ST6GALNAC6: variants seen among roughly 807,000 people sequenced by gnomAD.
The protein encoded by ST6GALNAC6 is alpha-N-acetylgalactosaminide alpha-2,6-sialyltransferase 6.
In ST6GALNAC6, 19 loss-of-function variants were observed where a neutral mutation model predicts 34.3. The observed-to-expected ratio is 0.55, with a 90% CI of 0.39 to 0.81. ST6GALNAC6 has a LOEUF of 0.81. Among genes scored for constraint, ST6GALNAC6 ranks in the 40% least tolerant of loss-of-function variants. ST6GALNAC6 has a pLI of 0.00. For synonymous variants in ST6GALNAC6, 185 were observed against 182.1 expected (o/e 1.02, Z -0.13); for missense variants, 377 against 467.7 (o/e 0.81, Z 1.79).
chr9:127,901,901 C>T (rs1830773662), upstream of ST6GALNAC6, among the ~76,000 whole-genome samples: 1 of 152,072 alleles, frequency 6.6e-6, no homozygotes, highest in South Asian at 2.1e-4. Context: ...CGCTGCACTC[C>T]AGCCTGGTGA....
intron 3 of ST6GALNAC6, 77 bp from the exon 4 acceptor site, chr9:127,894,768 C>G: frequency 6.5e-7 from 1 of 1,535,128 alleles, no homozygotes; most frequent in East Asian, 2.3e-5. Context: ...ACCTACCATG[C>G]CTGGTTAACT....
At chr9:127,889,442 T>G (rs1280649783) in intron 5 of ST6GALNAC6, among the ~76,000 whole-genome samples, 2 of 30,654 alleles carry the variant, frequency 6.5e-5, no homozygotes, top group Admixed American at 1.2e-3. Context: ...TCTCTTTTTT[T>G]TCTTTTTTTT....
chr9:127,886,384 GAC>G lies in ST6GALNAC6; in HGVS notation c.*213_*214del. On this transcript the variant is annotated 3_prime_UTR_variant, in exon 7 of 7. Coordinates refer to ENST00000373146, the MANE Select transcript of ST6GALNAC6 (RefSeq NM_013443.5). ...GCGCAGACCCTGACTGCACAAGAAA[GAC>G]ACCCCTGATTAACCGCATAGACTCC... 1 of 1,396,576 alleles carries G rather than the reference GAC, an allele frequency of 7.2e-7. No individual in the cohort carries two copies. Among genetic ancestry groups the G allele is most frequent in the African/African-American group, 1.5e-5 (1 of 68,930 alleles). The allele number at this position is 1,396,576 out of a possible 1,614,324, so 86.5% of individuals were successfully genotyped here.
At chr9:127,902,315 C>T (rs574306908), upstream of ST6GALNAC6, among the ~76,000 whole-genome samples, 14 of 151,818 alleles carry the variant, frequency 9.2e-5, no homozygotes, top group Admixed American at 3.9e-4. Context: ...CGGGCCACCA[C>T]GCCCAGCTAA....
upstream of ST6GALNAC6, chr9:127,904,528 C>T (rs1022153336): frequency 6.6e-6 from 1 of 152,280 alleles, no homozygotes; most frequent in African/African-American, 2.4e-5. Flanking sequence ...TCTAAGAGAC[C>T]CCTCACCTGC....
At position 127,890,679 on chromosome 9, in the gene ST6GALNAC6, C is replaced by T. The variant is rs756177966; in HGVS notation, c.662G>A (p.Arg221Gln). 26 of 1,613,254 alleles carry T rather than the reference C, an allele frequency of 1.6e-5. No homozygotes were observed. The highest frequency in any genetic ancestry group is 2.1e-5 in the Non-Finnish European group (25 of 1,180,030). Residue 221 changes from arginine (R) to glutamine (Q), a missense_variant, in exon 5 of 7, where the codon CGG (arginine) becomes CAG (glutamine). Arg to Gln is a conservative substitution (Grantham distance 43). Transcript: ENST00000373146. The surrounding 1 kb of genome is among the most constrained non-coding windows in gnomAD (Gnocchi z 4.3). ...EAYAVSPGRM[R>Q]QFDDLFRGET... ...ACCCCGGAAGAGGTCGTCAAATTGCCGCATGCGGCCGGGAGAGACGGCATA... is the reference window on the plus strand; with the variant it reads ...ACCCCGGAAGAGGTCGTCAAATTGCTGCATGCGGCCGGGAGAGACGGCATA...
Position 127,890,790 on chromosome 9 carries a change from C to T in ST6GALNAC6, c.551G>A (p.Gly184Glu). Reference protein sequence around the residue: ...RTPETVFIFWGPPSKMQKPQG... With the variant: ...RTPETVFIFWEPPSKMQKPQG... ...GGGCTTCTGCATCTTGCTCGGGGGCCCCCAGAAGATGAACACGGTTTCAGG... is the reference window on the plus strand; with the variant it reads ...GGGCTTCTGCATCTTGCTCGGGGGCTCCCAGAAGATGAACACGGTTTCAGG... Residue 184 changes from glycine to glutamate, a missense_variant, in exon 5 of 7, where the codon GGG becomes GAG. Gly to Glu is a moderately conservative substitution (Grantham distance 98, BLOSUM62 -2). Transcript: ENST00000373146. The surrounding 1 kb of genome is among the most constrained non-coding windows in gnomAD (Gnocchi z 4.3). 1 of 1,612,648 alleles carries T rather than the reference C, an allele frequency of 6.2e-7. No homozygotes were observed. The highest frequency in any genetic ancestry group is 8.5e-7 in the Non-Finnish European group (1 of 1,178,732).
At chr9:127,905,993 G>C (rs1830907313), upstream of ST6GALNAC6, 1 of 985,570 alleles carries the variant, frequency 1.0e-6, no homozygotes, top group Non-Finnish European at 1.2e-6. Flanking sequence ...CTGCCAGCCT[G>C]CTCCTTGCTT....
In ST6GALNAC6 at chr9:127,886,505, A is replaced by G. The variant is rs1307403180; in HGVS notation, c.*94T>C. On this transcript the variant is annotated 3_prime_UTR_variant, in exon 7 of 7. Transcript: ENST00000373146. The stretch of plus-strand genomic sequence containing the variant: ...CTGATTGGCTGGGAGACACTCCAGC[A>G]AGCCTTGATTGGCCAGAAGATGGTC... 6.5e-7 allele frequency: 1 copy of G among 1,537,804 alleles called. No individual in the cohort carries two copies. Among genetic ancestry groups the G allele is most frequent in the Admixed American group, 2.1e-5 (1 of 48,632 alleles).
At chr9:127,899,279 A>G (rs1030506772) in intron 1 of ST6GALNAC6, 23 of 155,160 alleles carry the variant, frequency 1.5e-4, no homozygotes, top group Non-Finnish European at 2.5e-4. Context: ...CTGACGGGGT[A>G]GTCGGCGGCA....
At chr9:127,905,554 G>C, upstream of ST6GALNAC6, 1 of 513,132 alleles carries the variant, frequency 1.9e-6, no homozygotes, top group Non-Finnish European at 2.5e-6. Flanking sequence ...AGAACCAGTG[G>C]ACACTGGGCC....
Position 127,894,520 on chromosome 9 carries a change from C to T in ST6GALNAC6, c.289G>A (p.Gly97Ser), listed in dbSNP as rs368807164. The change falls in exon 4 of 7, where the codon GGC (glycine) becomes AGC (serine). Residue 97 changes from glycine to serine, a missense_variant. By Grantham distance (56) the Gly-to-Ser change is moderately conservative. Transcript: ENST00000373146. ...CAAAGCAGCTGCGCTACCTTGTTGC[C>T]GAGAATGGGGACATAGCCGTCAGTG... ...SITDGYVPIL[G>S]NKTLPSRCHQ... 1.3e-5 allele frequency: 21 copies of T among 1,613,650 alleles called. No homozygotes were observed. The highest frequency in any genetic ancestry group is 9.3e-5 in the African/African-American group (7 of 74,882).
intron 4 of ST6GALNAC6, among the ~76,000 whole-genome samples, chr9:127,891,462 C>G (rs918125092): frequency 1.3e-5 from 2 of 150,976 alleles, no homozygotes; most frequent in Admixed American, 1.3e-4. Context: ...CCAAAAAATA[C>G]AAAAATTAGC....
Position 127,887,552 on chromosome 9 carries a change from G to A in ST6GALNAC6, c.744C>T (p.Thr248=). Residue 248 remains threonine (T), a synonymous_variant, in exon 6 of 7, where the codon ACC becomes ACT. Coordinates refer to ENST00000373146, the MANE Select transcript of ST6GALNAC6 (RefSeq NM_013443.5). ...SHSWLSTGWF[T]MVIAVELCDH... is the part of the protein sequence containing the mutation. ...CACACAACTCCACCGCGATCACCAT[G>A]GTAAACCAGCCTGTGCTCAACCACG... 6.2e-7 allele frequency: 1 copy of A among 1,612,886 alleles called. No homozygotes were observed. The highest frequency in any genetic ancestry group is 8.5e-7 in the Non-Finnish European group (1 of 1,179,456).
chr9:127,900,156 C>T (rs921853504), upstream of ST6GALNAC6, among the ~76,000 whole-genome samples: 1 of 152,248 alleles, frequency 6.6e-6, no homozygotes, highest in Admixed American at 6.5e-5. Context: ...ACCAGGGCAT[C>T]CATGACATCA....
upstream of ST6GALNAC6, among the ~76,000 whole-genome samples, chr9:127,902,152 T>A (rs558717074): frequency 6.7e-4 from 102 of 152,132 alleles, no homozygotes; most frequent in Middle Eastern, 0.01. Flanking sequence ...CGGTGATTAG[T>A]GTTTTTGGTT....
At chr9:127,888,346 A>C (rs1308947976) in intron 5 of ST6GALNAC6, among the ~76,000 whole-genome samples, 1 of 151,942 alleles carries the variant, frequency 6.6e-6, no homozygotes, top group African/African-American at 2.4e-5. Flanking sequence ...TCTACTAAAA[A>C]TACAAAAATT....
rs1830521338 is a variant in ST6GALNAC6, at chr9:127,897,274, T to G, written c.26+682A>C. The G allele has an allele frequency of 5.1e-6, 5 of 985,496 alleles. No individual in the cohort carries two copies. The Admixed American group carries it at 1.8e-4, about 36-fold the overall frequency. 61.0% of individuals were successfully genotyped at this position (985,496 alleles called of 1,614,324 possible). On this transcript the variant is annotated intron_variant, in intron 2 of 6. Coordinates refer to ENST00000373146, the MANE Select transcript of ST6GALNAC6 (RefSeq NM_013443.5). ...AGGCCGGGGGCAGGGCGGGCAGGAGTGCAGAGGGAAGAAACTGGGGCTTAG... is the reference window on the plus strand; with the variant it reads ...AGGCCGGGGGCAGGGCGGGCAGGAGGGCAGAGGGAAGAAACTGGGGCTTAG...
intron 2 of ST6GALNAC6, chr9:127,897,097 G>A (rs1233224984): frequency 2.2e-6 from 2 of 905,574 alleles, no homozygotes; most frequent in African/African-American, 1.8e-5. Flanking sequence ...GGCTGGGGGG[G>A]CCTTTGGAAG....
Sources: allele counts gnomAD v4.1 joint callset (sites outside exome capture counted in the v4.1 genomes callset), GRCh38; gene constraint gnomAD v4.1.1; non-coding constraint Gnocchi (gnomAD v3.1); transcripts MANE v1.5; gene names NCBI Gene and HGNC (gene_info 2026-07-23, HGNC 2026-07-21).